Variants in MYO3A observed in about 807,000 individuals in gnomAD.
MYO3A encodes myosin-IIIa.
In MYO3A, 180 loss-of-function variants were observed where a neutral mutation model predicts 192.7. The ratio of observed to expected loss-of-function variants is 0.93; its 90% CI spans 0.83 to 1.06. MYO3A has a LOEUF of 1.06. Among genes scored for constraint, MYO3A ranks in the 50% least tolerant of loss-of-function variants. The pLI is 0.00. For missense variants in MYO3A, 1,896 were observed against 1,905.0 expected (o/e 1.00, Z 0.09); for synonymous variants, 628 against 645.3 (o/e 0.97, Z 0.41).
At chr10:26,206,403 A>G (rs1843949287) in intron 34 of MYO3A, among the ~76,000 whole-genome samples, 1 of 150,650 alleles carries the variant, frequency 6.6e-6, no homozygotes, top group Admixed American at 6.6e-5. Flanking sequence ...CTTTGGATAT[A>G]TGCCCAGAAG....
At chr10:25,954,020 G>A (rs1385721623) in intron 3 of MYO3A, among the ~76,000 whole-genome samples, 1 of 152,066 alleles carries the variant, frequency 6.6e-6, no homozygotes, top group Admixed American at 6.6e-5. Context: ...TTCAAGAGAG[G>A]AGTTGAATGA....
Position 26,107,270 on chromosome 10 carries a change from AG to A in MYO3A, c.1776+10590del, listed in dbSNP as rs371435032. On this transcript the variant is annotated intron_variant, in intron 17 of 34. Transcript: ENST00000642920. ...GCCGAGGCGGGTGGATCACGAGGTC[AG>A]GAGATCAAGACCATCCTGGCTAACA... is the stretch of plus-strand genomic sequence containing the variant. Among the ~76,000 whole-genome samples, 88 of 152,244 alleles carry A rather than the reference AG, an allele frequency of 5.8e-4. 2 individuals are homozygous for A. In the East Asian group the frequency reaches 0.012, roughly 20 times the overall value.
chr10:26,025,392 G>A (rs1159330588), intron 9 of MYO3A, among the ~76,000 whole-genome samples: 2 of 151,576 alleles, frequency 1.3e-5, no homozygotes, highest in Non-Finnish European at 2.9e-5. Context: ...TCTGTGAATT[G>A]CAGGGTTAAA....
At chr10:26,157,824 T>G (rs1320231392) in intron 26 of MYO3A, among the ~76,000 whole-genome samples, 1 of 152,190 alleles carries the variant, frequency 6.6e-6, no homozygotes, top group Non-Finnish European at 1.5e-5. Context: ...CCTATACCAC[T>G]GATTCTCAGC....
chr10:25,996,218 A>G (rs934607363), intron 4 of MYO3A, among the ~76,000 whole-genome samples: 1 of 152,086 alleles, frequency 6.6e-6, no homozygotes, highest in Non-Finnish European at 1.5e-5. Context: ...GCCCCTCCCC[A>G]TAATTCTTAT....
chr10:26,103,484 T>G (rs1414519263), intron 17 of MYO3A, among the ~76,000 whole-genome samples: 1 of 152,224 alleles, frequency 6.6e-6, no homozygotes, highest in African/African-American at 2.4e-5. Context: ...AGCTGTAGAC[T>G]GGAGCTGTTC....
chr10:26,098,761 A>G (rs1292120412), intron 17 of MYO3A, among the ~76,000 whole-genome samples: 3 of 152,120 alleles, frequency 2.0e-5, no homozygotes, highest in Non-Finnish European at 4.4e-5. Context: ...TTTCTGTTCC[A>G]TTGGTCTACA....
chr10:26,125,645 T>C (rs1839177871), intron 19 of MYO3A, 37 bp downstream of exon 19: 1 of 1,539,596 alleles, frequency 6.5e-7, no homozygotes. Flanking sequence ...TTCCCAAATG[T>C]CAGGTGATGT....
intron 4 of MYO3A, among the ~76,000 whole-genome samples, chr10:25,987,599 GA>G (rs1190336386): frequency 6.6e-6 from 1 of 152,130 alleles, no homozygotes; most frequent in African/African-American, 2.4e-5. Flanking sequence ...ACAAGCATAT[GA>G]AAAAATTCTC....
At chr10:26,078,577 C>G (rs1294859458) in intron 14 of MYO3A, among the ~76,000 whole-genome samples, 1 of 151,912 alleles carries the variant, frequency 6.6e-6, no homozygotes, top group Non-Finnish European at 1.5e-5. Flanking sequence ...TCTTGTTTCT[C>G]TAGTTCCTTG....
chr10:25,993,980 G>T (rs113027414), intron 4 of MYO3A, among the ~76,000 whole-genome samples: 1 of 152,244 alleles, frequency 6.6e-6, no homozygotes, highest in South Asian at 2.1e-4. Flanking sequence ...TGAGAAGAAC[G>T]TATATTCTGT....
At chr10:25,985,849 C>T (rs1217268539) in intron 4 of MYO3A, among the ~76,000 whole-genome samples, 1 of 152,124 alleles carries the variant, frequency 6.6e-6, no homozygotes, top group Non-Finnish European at 1.5e-5. Context: ...TTCTGTGAAG[C>T]CAGTATCACC....
chr10:25,996,715 A>G (rs932050381), intron 5 of MYO3A, 121 bp downstream of exon 5: 11 of 828,220 alleles, frequency 1.3e-5, no homozygotes, highest in African/African-American at 8.5e-5. Context: ...ATGGAAGAAT[A>G]TATGCAAAAT....
chr10:26,153,016 T>C (rs1840891346), intron 23 of MYO3A, among the ~76,000 whole-genome samples: 1 of 152,198 alleles, frequency 6.6e-6, no homozygotes, highest in African/African-American at 2.4e-5. Flanking sequence ...AGACAAGAAA[T>C]GATCTTTCTG....
rs528050800 is a variant in MYO3A, at chr10:25,990,881, A to G, written c.304-5609A>G. 7.2e-5 allele frequency among the ~76,000 whole-genome samples: 11 copies of G among 152,108 alleles called. No homozygotes were observed. In the East Asian group the frequency reaches 2.1e-3, roughly 29 times the overall value. On this transcript the variant is annotated intron_variant, in intron 4 of 34. Transcript: ENST00000642920. ...GGCTGCATAGTATTCCATGCTGTAT[A>G]TGTGCCACATTTTCTTAATCCAGTC... is the stretch of plus-strand genomic sequence containing the variant.
At chr10:26,072,442 A>C (rs1158691708) in intron 14 of MYO3A, among the ~76,000 whole-genome samples, 3 of 152,156 alleles carry the variant, frequency 2.0e-5, no homozygotes, top group African/African-American at 7.2e-5. Flanking sequence ...TATCTCTTTG[A>C]CCAATTAAAA....
intron 4 of MYO3A, among the ~76,000 whole-genome samples, chr10:25,977,482 T>C (rs1564422137): frequency 6.6e-6 from 1 of 152,122 alleles, no homozygotes; most frequent in African/African-American, 2.4e-5. Context: ...TAACAGCAGA[T>C]ACAGCCATAG....
chr10:26,152,366 A>C (rs375058133), intron 23 of MYO3A, among the ~76,000 whole-genome samples: 1 of 152,358 alleles, frequency 6.6e-6, no homozygotes, highest in South Asian at 2.1e-4. Flanking sequence ...ATAAGACATT[A>C]AGGCTTGAAA....
At chr10:26,168,335 AT>A (rs1329476614) in intron 27 of MYO3A, among the ~76,000 whole-genome samples, 2 of 147,944 alleles carry the variant, frequency 1.4e-5, no homozygotes, top group African/African-American at 4.9e-5. Context: ...ATCTATTCAG[AT>A]TTTTTTAATT....
Sources: allele counts gnomAD v4.1 joint callset (sites outside exome capture counted in the v4.1 genomes callset), GRCh38; gene constraint gnomAD v4.1.1; transcripts MANE v1.5; gene names NCBI Gene and HGNC (gene_info 2026-07-23, HGNC 2026-07-21).